The following ARHGEF3 variants were observed in gnomAD, a reference collection of about 807,000 sequenced individuals.
ARHGEF3 encodes the protein 59.8 kDA protein.
A neutral mutation model predicts 63.2 loss-of-function variants in ARHGEF3; 28 were observed. The observed-to-expected ratio is 0.44, with a 90% CI of 0.33 to 0.61. The LOEUF is 0.61. Among genes scored for constraint, ARHGEF3 ranks in the 20% least tolerant of loss-of-function variants. ARHGEF3 has a pLI of 0.03. For missense variants in ARHGEF3, 533 were observed against 659.3 expected (o/e 0.81, Z 2.10); for synonymous variants, 266 against 254.2 (o/e 1.05, Z -0.44).
At chr3:56,885,818 T>A (rs182884812) in intron 3 of ARHGEF3, among the ~76,000 whole-genome samples, 6 of 152,380 alleles carry the variant, frequency 3.9e-5, no homozygotes, top group Admixed American at 3.9e-4. Context: ...GCATGAATTA[T>A]GAAAATGAAT....
intron 4 of ARHGEF3, among the ~76,000 whole-genome samples, chr3:56,865,479 A>G (rs1341443871): frequency 6.6e-6 from 1 of 152,248 alleles, no homozygotes; most frequent in Non-Finnish European, 1.5e-5. Flanking sequence ...ATAATTTTTT[A>G]AAGCCAATGT....
chr3:56,914,038 A>G (rs1347157859), intron 3 of ARHGEF3, among the ~76,000 whole-genome samples: 1 of 152,226 alleles, frequency 6.6e-6, no homozygotes, highest in Non-Finnish European at 1.5e-5. Context: ...GGAAAACCAA[A>G]CAACGTATGA....
intron 1 of ARHGEF3, among the ~76,000 whole-genome samples, chr3:57,042,669 TATATATATATATATATA>T (rs1560155903): frequency 2.7e-3 from 38 of 14,282 alleles, no homozygotes; most frequent in African/African-American, 0.011. Flanking sequence ...TATATATATA[TATATATATATATATATA>T]TATATATATA....
At chr3:57,004,168 C>T (rs543286831) in intron 2 of ARHGEF3, among the ~76,000 whole-genome samples, 44 of 152,310 alleles carry the variant, frequency 2.9e-4, no homozygotes, top group African/African-American at 1.0e-3. Context: ...GGAAGGTGTT[C>T]GGTCCACACA....
intron 4 of ARHGEF3, among the ~76,000 whole-genome samples, chr3:56,837,786 T>C (rs191408193): frequency 2.0e-5 from 3 of 152,336 alleles, no homozygotes; most frequent in African/African-American, 7.2e-5. Flanking sequence ...CATGAATACA[T>C]GACCAGCGAT....
intron 2 of ARHGEF3, among the ~76,000 whole-genome samples, chr3:56,758,243 T>C (rs527887202): frequency 1.7e-3 from 249 of 150,704 alleles, no homozygotes; most frequent in African/African-American, 5.8e-3. Flanking sequence ...ATTGCGCCAC[T>C]GTACTCCAGC....
intron 1 of ARHGEF3, among the ~76,000 whole-genome samples, chr3:57,043,490 T>A (rs1331059225): frequency 6.9e-6 from 1 of 145,912 alleles, no homozygotes; most frequent in Non-Finnish European, 1.5e-5. Context: ...GTTTCAAAGT[T>A]AAAAAAAAAA....
At chr3:56,965,428 G>A (rs1700451270) in intron 2 of ARHGEF3, among the ~76,000 whole-genome samples, 1 of 151,978 alleles carries the variant, frequency 6.6e-6, no homozygotes, top group South Asian at 2.1e-4. Flanking sequence ...GAGAGAAAAT[G>A]TCAGCCCCAG....
intron 4 of ARHGEF3, among the ~76,000 whole-genome samples, chr3:56,872,815 C>G (rs375971968): frequency 2.0e-4 from 30 of 152,258 alleles, no homozygotes; most frequent in African/African-American, 7.0e-4. Flanking sequence ...GCCTCATATA[C>G]TGCTTTTTAA....
chr3:56,917,779 T>G (rs2042024437), intron 3 of ARHGEF3, among the ~76,000 whole-genome samples: 1 of 152,094 alleles, frequency 6.6e-6, no homozygotes, highest in South Asian at 2.1e-4. Flanking sequence ...ACCAAGTACT[T>G]TAATAGGTCT....
At chr3:56,920,031 C>T (rs1207995393) in intron 3 of ARHGEF3, among the ~76,000 whole-genome samples, 2 of 152,166 alleles carry the variant, frequency 1.3e-5, no homozygotes, top group African/African-American at 4.8e-5. Context: ...GGACAATTCA[C>T]TTGCCTCTTG....
intron 1 of ARHGEF3, among the ~76,000 whole-genome samples, chr3:56,790,453 C>G (rs966879753): frequency 6.6e-6 from 1 of 152,158 alleles, no homozygotes; most frequent in African/African-American, 2.4e-5. Flanking sequence ...TTTCTGACTC[C>G]TTCTGCAAGA....
At chr3:56,917,791 G>A (rs2042024954) in intron 3 of ARHGEF3, among the ~76,000 whole-genome samples, 1 of 152,172 alleles carries the variant, frequency 6.6e-6, no homozygotes, top group Admixed American at 6.5e-5. Context: ...AATAGGTCTG[G>A]AAGCTGAACT....
At chr3:56,883,572 C>T (rs1394882500) in intron 3 of ARHGEF3, among the ~76,000 whole-genome samples, 1 of 152,182 alleles carries the variant, frequency 6.6e-6, no homozygotes, top group Admixed American at 6.5e-5. Context: ...GCTGGGATTA[C>T]AGGAGTGAAC....
intron 3 of ARHGEF3, among the ~76,000 whole-genome samples, chr3:56,949,030 T>C (rs1030141291): frequency 4.6e-5 from 7 of 151,876 alleles, no homozygotes; most frequent in Non-Finnish European, 1.0e-4. Context: ...ACAAAAACCA[T>C]ATGATTATCT....
chr3:57,068,508 A>G (rs1198637507), intron 1 of ARHGEF3, among the ~76,000 whole-genome samples: 1 of 152,210 alleles, frequency 6.6e-6, no homozygotes, highest in African/African-American at 2.4e-5. Flanking sequence ...TGACTCACAA[A>G]GCTGGCCAAG....
intron 8 of ARHGEF3, among the ~76,000 whole-genome samples, chr3:56,733,261 C>T (rs1229030307): frequency 6.5e-4 from 86 of 132,500 alleles, no homozygotes; most frequent in African/African-American, 2.4e-3. Context: ...CCAGTCTGGG[C>T]GACAGTGTGA....
chr3:56,747,097 A>C (rs1167987317), intron 6 of ARHGEF3, among the ~76,000 whole-genome samples: 1 of 140,168 alleles, frequency 7.1e-6, no homozygotes, highest in African/African-American at 2.6e-5. Flanking sequence ...AGAGAGAGAG[A>C]ACCCAAACGT....
rs549563390 is a variant in ARHGEF3, at chr3:56,851,580, G to A, written c.192+30712C>T. On this transcript the variant is annotated intron_variant, in intron 4 of 12. Coordinates refer to the ARHGEF3 transcript ENST00000338458. ...TTTTTGTATTTTATGTAGAGAGGGG[G>A]TTTTACCATGTCGCCCAAGTTGGTC... Among the ~76,000 whole-genome samples, 5 of 151,586 alleles carry A rather than the reference G, an allele frequency of 3.3e-5. No homozygotes were observed. In the South Asian group the frequency reaches 8.4e-4, roughly 25 times the overall value.
Sources: gnomAD v4.1 joint callset for allele counts (sites outside exome capture counted in the v4.1 genomes callset) on GRCh38, gnomAD v4.1.1 for gene constraint, MANE v1.5 for transcripts, NCBI Gene and HGNC (gene_info 2026-07-23, HGNC 2026-07-21) for gene names.